The following MTFR1 variants were observed in gnomAD, a reference collection of about 807,000 sequenced individuals.
MTFR1 encodes chondrocyte protein with a poly-proline region.
Under a neutral mutation model 38.8 loss-of-function variants are expected in MTFR1, and 28 were observed. That is an observed-to-expected ratio of 0.72 (90% CI 0.53 to 0.99). The LOEUF is 0.99. Ranked by LOEUF, MTFR1 falls within the 50% of genes least tolerant of loss-of-function variation. The probability of loss-of-function intolerance (pLI) is 0.00; values close to 1 mark genes in which losing one functional copy is unlikely to be tolerated. For missense variants in MTFR1, 358 were observed against 395.5 expected, an observed-to-expected ratio of 0.91 and a Z score of 0.81; for synonymous variants, 145 against 137.0, an observed-to-expected ratio of 1.06 and a Z score of -0.41.
At chr8:65,691,449 A>G (rs1346077060) in intron 3 of MTFR1, among the ~76,000 whole-genome samples, 2 of 151,754 alleles carry the variant, frequency 1.3e-5, no homozygotes, top group Non-Finnish European at 2.9e-5. Flanking sequence ...CACCATGCCT[A>G]GCTAATTATT....
chr8:65,690,363 C>G (rs939455409), intron 3 of MTFR1, among the ~76,000 whole-genome samples: 2 of 151,904 alleles, frequency 1.3e-5, no homozygotes, highest in African/African-American at 2.4e-5. Context: ...GGCGATACCC[C>G]CCATCTCTAC....
chr8:65,730,171 C>CTTCTTTTTTTTTTTTTTTTTTTTTTTTT lies in MTFR1; in HGVS notation c.*48+10692_*48+10693insCTTTTTTTTTTTTTTTTTTTTTTTTTTT, dbSNP rs1295965698. 5.8e-5 allele frequency among the ~76,000 whole-genome samples: 5 copies of CTTCTTTTTTTTTTTTTTTTTTTTTTTTT among 86,434 alleles called. 2 individuals carry two copies. Among genetic ancestry groups the CTTCTTTTTTTTTTTTTTTTTTTTTTTTT allele is most frequent in the African/African-American group, 2.4e-4 (5 of 20,908 alleles). The allele number at this position is 86,434 out of a possible 152,430, so 56.7% of individuals were successfully genotyped here. A position where few individuals can be genotyped will look rare whatever the true frequency, so the allele number is the denominator to read the frequency against. ...TGTGAGGGATCCAGGTTGCGCACTT[C>CTTCTTTTTTTTTTTTTTTTTTTTTTTTT]TTTTTTTTTTTTTTTTTTTTTTTTT... On this transcript the variant is annotated intron_variant, in intron 3 of 3. Transcript: ENST00000521247.
intron 1 of MTFR1, among the ~76,000 whole-genome samples, chr8:65,658,136 C>G (rs1467815436): frequency 6.6e-6 from 1 of 152,174 alleles, no homozygotes; most frequent in Non-Finnish European, 1.5e-5. Flanking sequence ...TCATTCCCAT[C>G]TTTCATAATG....
At chr8:65,777,765 G>A in the MTFR1 span, among the ~76,000 whole-genome samples, 2 of 152,008 alleles carry the variant, frequency 1.3e-5, no homozygotes, top group Non-Finnish European at 2.9e-5. Context: ...TCTGTTTCTG[G>A]CAATCTCATA....
intron 3 of MTFR1, among the ~76,000 whole-genome samples, chr8:65,733,133 T>C (rs887709427): frequency 3.9e-5 from 6 of 152,182 alleles, no homozygotes; most frequent in Non-Finnish European, 8.8e-5. Flanking sequence ...ACTGAGTATG[T>C]TAAGGATGAA....
intron 3 of MTFR1, among the ~76,000 whole-genome samples, chr8:65,758,799 A>T (rs1339710561): frequency 6.6e-6 from 1 of 152,110 alleles, no homozygotes; most frequent in African/African-American, 2.4e-5. Flanking sequence ...CACTCTAAGC[A>T]TTTGCATCTT....
At chr8:65,670,704 A>G (rs946699359) in intron 2 of MTFR1, among the ~76,000 whole-genome samples, 8 of 142,572 alleles carry the variant, frequency 5.6e-5, no homozygotes, top group Admixed American at 1.4e-4. Flanking sequence ...GAATGTGGGT[A>G]TACTTTTTTT....
At chr8:65,763,894 G>A (rs1467966590) in intron 3 of MTFR1, among the ~76,000 whole-genome samples, 1 of 152,106 alleles carries the variant, frequency 6.6e-6, no homozygotes, top group Non-Finnish European at 1.5e-5. Context: ...AATACGTATC[G>A]GTCAATTTCC....
chr8:65,749,285 T>C (rs1468777602), intron 3 of MTFR1, among the ~76,000 whole-genome samples: 1 of 152,252 alleles, frequency 6.6e-6, no homozygotes, highest in Non-Finnish European at 1.5e-5. Context: ...ATATAGTAAG[T>C]AATTGTAAAA....
chr8:65,775,249 TTTTA>T (rs1175744456), downstream of MTFR1, among the ~76,000 whole-genome samples: 1 of 152,240 alleles, frequency 6.6e-6, no homozygotes, highest in South Asian at 2.1e-4. Context: ...AGAGTTCTAC[TTTTA>T]TTTTAGTTTA....
chr8:65,699,703 C>A (rs1805553588), intron 4 of MTFR1, among the ~76,000 whole-genome samples: 1 of 152,120 alleles, frequency 6.6e-6, no homozygotes, highest in African/African-American at 2.4e-5. Flanking sequence ...TCTGTTTGTC[C>A]AAGTGGGAGC....
intron 3 of MTFR1, among the ~76,000 whole-genome samples, chr8:65,751,441 TTTATC>T (rs1807949823): frequency 6.6e-6 from 1 of 152,110 alleles, no homozygotes; most frequent in African/African-American, 2.4e-5. Flanking sequence ...AATGGTAACT[TTTATC>T]TTAAAGTTTC....
At chr8:65,689,735 G>A in intron 3 of MTFR1, 1 of 369,374 alleles carries the variant, frequency 2.7e-6, no homozygotes, top group Non-Finnish European at 4.1e-6. Context: ...GCATTGTCCT[G>A]GAAATTGTCC....
chr8:65,677,961 A>G (rs1256366630), intron 2 of MTFR1, among the ~76,000 whole-genome samples: 1 of 150,372 alleles, frequency 6.7e-6, no homozygotes, highest in Non-Finnish European at 1.5e-5. Context: ...GGTTGCAGTG[A>G]GCTGAGATCA....
intron 2 of MTFR1, among the ~76,000 whole-genome samples, chr8:65,673,917 A>G (rs1396880749): frequency 6.6e-6 from 1 of 152,214 alleles, no homozygotes; most frequent in Admixed American, 6.5e-5. Context: ...AAAAAAAAAT[A>G]GTAATGCATA....
At chr8:65,742,691 A>C (rs1382032352) in intron 3 of MTFR1, among the ~76,000 whole-genome samples, 1 of 152,164 alleles carries the variant, frequency 6.6e-6, no homozygotes, top group African/African-American at 2.4e-5. Context: ...AAGCTAAAGG[A>C]ATTTTTTTCT....
intron 4 of MTFR1, among the ~76,000 whole-genome samples, chr8:65,700,894 T>C (rs1397118817): frequency 6.6e-6 from 1 of 152,236 alleles, no homozygotes; most frequent in African/African-American, 2.4e-5. Context: ...ATAGCTTTTC[T>C]TCACAGGTAT....
At chr8:65,710,603 A>ATTCT (rs1241579373), downstream of MTFR1, 1 of 152,414 alleles carries the variant, frequency 6.6e-6, no homozygotes, top group Admixed American at 6.5e-5. Context: ...AATAGGTAAG[A>ATTCT]TTCTTTTGCA....
intron 3 of MTFR1, among the ~76,000 whole-genome samples, chr8:65,753,885 C>A (rs1808087695): frequency 2.0e-5 from 3 of 152,036 alleles, no homozygotes; most frequent in South Asian, 4.1e-4. Flanking sequence ...TATCTCATAA[C>A]CTTTTTTTTC....
Sources: gnomAD v4.1 joint callset for allele counts (sites outside exome capture counted in the v4.1 genomes callset) on GRCh38, gnomAD v4.1.1 for gene constraint, MANE v1.5 for transcripts, NCBI Gene and HGNC (gene_info 2026-07-23, HGNC 2026-07-21) for gene names.